ATP2B2: variants seen among roughly 807,000 people sequenced by gnomAD.
ATP2B2 encodes plasma membrane calcium-transporting ATPase 2.
ATP2B2 carries 15 observed loss-of-function variants against 120.0 expected under a neutral mutation model. The ratio of observed to expected loss-of-function variants is 0.12; its 90% CI spans 0.08 to 0.19. The LOEUF is 0.19. Ranked by LOEUF, ATP2B2 falls within the 10% of genes least tolerant of loss-of-function variation. The pLI is 1.00. For missense variants in ATP2B2, 1,045 were observed against 1,719.8 expected, an observed-to-expected ratio of 0.61 and a Z score of 6.94; for synonymous variants, 694 against 700.3, an observed-to-expected ratio of 0.99 and a Z score of 0.14.
intron 1 of ATP2B2, among the ~76,000 whole-genome samples, chr3:10,630,030 G>C (rs1048150306): frequency 1.3e-5 from 2 of 152,196 alleles, no homozygotes; most frequent in African/African-American, 4.8e-5. Flanking sequence ...CTCACTGTCC[G>C]TCCAAGGCTG....
In ATP2B2 at chr3:10,340,685, G is replaced by T. The variant is rs530163146; in HGVS notation, c.2937C>A (p.Ile979=). 3.5e-5 allele frequency: 57 copies of T among 1,614,110 alleles called. No individual in the cohort carries two copies. Among genetic ancestry groups the T allele is most frequent in the Non-Finnish European group, 4.5e-5 (53 of 1,179,972 alleles). The change falls in exon 20 of 23, where the codon ATC becomes ATA. Residue 979 remains isoleucine (I), a synonymous_variant. Transcript: ENST00000360273. This position sits in a 1 kb window ranked among gnomAD's most constrained non-coding sequence, Gnocchi z 5.0. The part of the protein sequence containing the change: ...LLFVGEKMFQ[I]DSGRNAPLHS... ...GCAGGGGCGCGTTCCTCCCGCTGTC[G>T]ATCTGGAACATCTTCTCGCCTGCCA...
chr3:10,328,736 G>C lies in ATP2B2; in HGVS notation c.*78C>G. Reference sequence around the variant, plus strand: ...TCGTTGCTGCTTGGGTGAGTTGGGTGCCTGGATGGATGGGTGCCCGGAAAG... The same window carrying C: ...TCGTTGCTGCTTGGGTGAGTTGGGTCCCTGGATGGATGGGTGCCCGGAAAG... On this transcript the variant is annotated 3_prime_UTR_variant, in exon 23 of 23. Coordinates refer to ENST00000360273, the MANE Select transcript of ATP2B2 (RefSeq NM_001001331.4). 1 of 1,443,628 alleles carries C rather than the reference G, an allele frequency of 6.9e-7. No individual in the cohort carries two copies. The highest frequency in any genetic ancestry group is 1.4e-5 in the African/African-American group (1 of 70,346). The allele number at this position is 1,443,628 out of a possible 1,614,324, so 89.4% of individuals were successfully genotyped here.
intron 1 of ATP2B2, among the ~76,000 whole-genome samples, chr3:10,690,404 T>C (rs1452968743): frequency 6.6e-6 from 1 of 151,928 alleles, no homozygotes; most frequent in Non-Finnish European, 1.5e-5. Flanking sequence ...AGAGCTAACA[T>C]ATAGAAAAAA....
chr3:10,384,013 G>A (rs1225664609), intron 8 of ATP2B2, among the ~76,000 whole-genome samples: 6 of 152,098 alleles, frequency 3.9e-5, no homozygotes, highest in Non-Finnish European at 8.8e-5. Context: ...CCCTCCCTGA[G>A]GCATGACACC....
chr3:10,526,989 C>T (rs571215198), intron 3 of ATP2B2, among the ~76,000 whole-genome samples: 1 of 152,292 alleles, frequency 6.6e-6, no homozygotes, highest in South Asian at 2.1e-4. Context: ...ATTATTATCC[C>T]CATTTCATGG....
At chr3:10,686,004 C>T (rs945162320) in intron 1 of ATP2B2, among the ~76,000 whole-genome samples, 3 of 149,384 alleles carry the variant, frequency 2.0e-5, no homozygotes, top group East Asian at 2.0e-4. Context: ...TATTCCAGCT[C>T]GTCTTTCTTC....
intron 2 of ATP2B2, among the ~76,000 whole-genome samples, chr3:10,439,449 C>T (rs905870863): frequency 6.6e-6 from 1 of 152,132 alleles, no homozygotes; most frequent in East Asian, 1.9e-4. Flanking sequence ...CTTGGGGCCC[C>T]CGCAAAGACC....
chr3:10,376,407 C>T (rs965824482), intron 10 of ATP2B2, among the ~76,000 whole-genome samples: 2 of 152,084 alleles, frequency 1.3e-5, no homozygotes, highest in African/African-American at 2.4e-5. Context: ...AAGAACATTC[C>T]ATGTAGAGGA....
At chr3:10,359,305 T>C (rs181532702) in intron 13 of ATP2B2, among the ~76,000 whole-genome samples, 8 of 152,266 alleles carry the variant, frequency 5.3e-5, no homozygotes, top group Admixed American at 4.6e-4. Context: ...CCAGTTCAAT[T>C]TGTCTGGGGT....
At chr3:10,612,255 C>T (rs574522607) in intron 2 of ATP2B2, among the ~76,000 whole-genome samples, 16 of 152,324 alleles carry the variant, frequency 1.1e-4, no homozygotes, top group Non-Finnish European at 1.5e-4. Context: ...CCTCACTAAC[C>T]GTTCCCACCT....
At chr3:10,653,151 A>G (rs891687594) in intron 1 of ATP2B2, among the ~76,000 whole-genome samples, 3 of 152,182 alleles carry the variant, frequency 2.0e-5, no homozygotes, top group Admixed American at 6.5e-5. Context: ...TTTAAAGGGA[A>G]GAGTTCTCAG....
At chr3:10,470,563 G>C (rs767197975) in intron 1 of ATP2B2, among the ~76,000 whole-genome samples, 1 of 152,188 alleles carries the variant, frequency 6.6e-6, no homozygotes, top group Non-Finnish European at 1.5e-5. Flanking sequence ...GGGCTCAAGA[G>C]GGTTAAATGG....
At chr3:10,420,790 G>A (rs915882062) in intron 2 of ATP2B2, among the ~76,000 whole-genome samples, 4 of 152,250 alleles carry the variant, frequency 2.6e-5, no homozygotes, top group African/African-American at 9.6e-5. Flanking sequence ...TATTGTTGTT[G>A]CTATCACTGA....
intron 1 of ATP2B2, among the ~76,000 whole-genome samples, chr3:10,638,689 A>G (rs1025443139): frequency 1.3e-5 from 2 of 152,216 alleles, no homozygotes; most frequent in African/African-American, 4.8e-5. Context: ...ATTAAAAAGC[A>G]AAGTACAACT....
intron 1 of ATP2B2, among the ~76,000 whole-genome samples, chr3:10,500,707 G>A (rs2066348608): frequency 6.6e-6 from 1 of 152,220 alleles, no homozygotes; most frequent in African/African-American, 2.4e-5. Flanking sequence ...AGCCAACCCT[G>A]CTGGCTCCTG....
At chr3:10,552,172 G>T (rs1463514281) in intron 2 of ATP2B2, among the ~76,000 whole-genome samples, 1 of 152,250 alleles carries the variant, frequency 6.6e-6, no homozygotes, top group Admixed American at 6.5e-5. Context: ...GTGCCGGTTG[G>T]TGACTCATAG....
intron 6 of ATP2B2, among the ~76,000 whole-genome samples, chr3:10,386,845 G>A (rs773467253): frequency 2.0e-5 from 3 of 152,214 alleles, no homozygotes; most frequent in Non-Finnish European, 4.4e-5. Flanking sequence ...TCTCACAGGA[G>A]TGCAGGTGCA....
intron 2 of ATP2B2, among the ~76,000 whole-genome samples, chr3:10,416,169 T>C (rs1308424290): frequency 1.3e-5 from 2 of 152,178 alleles, no homozygotes; most frequent in African/African-American, 4.8e-5. Flanking sequence ...TGTCCTACCA[T>C]GTATGTAAAA....
At chr3:10,336,152 C>A in intron 22 of ATP2B2, 2 of 1,550,602 alleles carry the variant, frequency 1.3e-6, no homozygotes, top group Non-Finnish European at 1.7e-6. Context: ...AGGAGGAAGG[C>A]TGGTCGGAGA....
Sources: allele counts gnomAD v4.1 joint callset (sites outside exome capture counted in the v4.1 genomes callset), GRCh38; gene constraint gnomAD v4.1.1; non-coding constraint Gnocchi (gnomAD v3.1); transcripts MANE v1.5; gene names NCBI Gene and HGNC (gene_info 2026-07-23, HGNC 2026-07-21).